Variants in HSD17B3 observed in about 807,000 individuals in gnomAD.
HSD17B3 encodes 17-beta-hydroxysteroid dehydrogenase type 3.
Under a neutral mutation model 41.1 loss-of-function variants are expected in HSD17B3, and 29 were observed. The ratio of observed to expected loss-of-function variants is 0.71; its 90% CI spans 0.53 to 0.96. The LOEUF is 0.96. Among genes scored for constraint, HSD17B3 ranks in the 40% least tolerant of loss-of-function variants. The probability of loss-of-function intolerance (pLI) is 0.00; values close to 1 mark genes in which losing one functional copy is unlikely to be tolerated. For missense variants in HSD17B3, 323 were observed against 374.6 expected (o/e 0.86, Z 1.14); for synonymous variants, 126 against 145.6 (o/e 0.87, Z 0.97).
chr9:96,272,884 GA>G (rs1826319176), intron 2 of HSD17B3, among the ~76,000 whole-genome samples: 1 of 152,090 alleles, frequency 6.6e-6, no homozygotes, highest in Non-Finnish European at 1.5e-5. Context: ...TCGGCACTAA[GA>G]AGGAAAAAAC....
chr9:96,278,849 A>G (rs1317218136), intron 2 of HSD17B3, among the ~76,000 whole-genome samples: 1 of 152,200 alleles, frequency 6.6e-6, no homozygotes, highest in Non-Finnish European at 1.5e-5. Flanking sequence ...CAAGCTTCAG[A>G]CTGAACTCTA....
chr9:96,272,448 A>ATAT (rs1826302503), intron 2 of HSD17B3, among the ~76,000 whole-genome samples: 2 of 84,852 alleles, frequency 2.4e-5, no homozygotes, highest in African/African-American at 8.6e-5. Context: ...TATATATATA[A>ATAT]AATATATATG....
At chr9:96,294,742 C>T (rs114636743) in intron 2 of HSD17B3, among the ~76,000 whole-genome samples, 2,691 of 152,216 alleles carry the variant, frequency 0.018, 86 homozygotes, top group African/African-American at 0.059. Context: ...TAGCTAGAAA[C>T]ATTTTCCTTC....
intron 2 of HSD17B3, 83 bp from the exon 3 acceptor site, chr9:96,255,026 CTG>C (rs1042892444): frequency 1.2e-5 from 14 of 1,129,840 alleles, no homozygotes; most frequent in African/African-American, 1.1e-4. Context: ...GGTCCTGAGA[CTG>C]TGCACATACT....
chr9:96,269,148 T>C (rs1165418370), intron 2 of HSD17B3, among the ~76,000 whole-genome samples: 1 of 152,182 alleles, frequency 6.6e-6, no homozygotes, highest in Non-Finnish European at 1.5e-5. Context: ...GCTATAAACC[T>C]GTATGACATG....
intron 2 of HSD17B3, among the ~76,000 whole-genome samples, chr9:96,267,571 A>G (rs1328954070): frequency 1.3e-5 from 2 of 152,186 alleles, no homozygotes; most frequent in African/African-American, 4.8e-5. Context: ...AAACATTTTT[A>G]ATTTCTTTAA....
At chr9:96,254,731 A>C in intron 3 of HSD17B3, 137 bp downstream of exon 3, 1 of 750,710 alleles carries the variant, frequency 1.3e-6, no homozygotes, top group Admixed American at 2.0e-5. Context: ...CTGCTTTGTA[A>C]CCGGGCTCCC....
At chr9:96,291,560 C>T (rs1336045058) in intron 2 of HSD17B3, among the ~76,000 whole-genome samples, 2 of 152,162 alleles carry the variant, frequency 1.3e-5, no homozygotes, top group Non-Finnish European at 2.9e-5. Context: ...ACCCATCATT[C>T]AAAGAACCAA....
At chr9:96,295,279 A>G (rs12683472) in intron 2 of HSD17B3, among the ~76,000 whole-genome samples, 43,770 of 151,536 alleles carry the variant, frequency 0.29, 7,118 homozygotes, top group Non-Finnish European at 0.38. Context: ...TGTTGGGATT[A>G]CAGGCGTGAG....
chr9:96,266,500 C>T (rs2130753125), intron 2 of HSD17B3, among the ~76,000 whole-genome samples: 1 of 152,102 alleles, frequency 6.6e-6, no homozygotes. Flanking sequence ...AAACTCCTGG[C>T]CTCAAGCTAT....
chr9:96,249,769 G>A lies in HSD17B3; in HGVS notation c.471C>T (p.Asn157=). 1 of 1,614,084 alleles carries A rather than the reference G, an allele frequency of 6.2e-7. No homozygotes were observed. Among genetic ancestry groups the A allele is most frequent in the Non-Finnish European group, 8.5e-7 (1 of 1,179,960 alleles). Residue 157 remains asparagine (N), a synonymous_variant, in exon 6 of 11, where the codon AAC becomes AAT. Transcript: ENST00000375263. The part of the protein sequence containing the change: ...PDEIQSLIHC[N]ITSVVKMTQL... ...CACATACCTTGACTACGGAGGTGAT[G>A]TTACAATGGATGAGGCTCTGTAATA...
chr9:96,300,209 GACACACACACACACACACACACACAC>G (rs55707445), intron 1 of HSD17B3, among the ~76,000 whole-genome samples: 1 of 116,310 alleles, frequency 8.6e-6, no homozygotes, highest in Non-Finnish European at 1.8e-5. Context: ...ACCCCAAGAG[GACACACACACACACACACACACACAC>G]ACACACACAC....
At position 96,255,367 on chromosome 9, in the gene HSD17B3, CTTTTTTTTTTTTTTTTTTTTTTTT is replaced by C. The variant is rs869145717; in HGVS notation, c.202-448_202-425del. On this transcript the variant is annotated intron_variant, in intron 2 of 10. Transcript: ENST00000375263. ...AAGCAGTGTTTCTGCCCCAACATTTCTTTTTTTTTTTTTTTTTTTTTTTTTTTTTTTTTTTTTTTTGCAATAGAG... is the reference window on the plus strand; with the variant it reads ...AAGCAGTGTTTCTGCCCCAACATTTCTTTTTTTTTTTTTTTTGCAATAGAG... Among the ~76,000 whole-genome samples the C allele has an allele frequency of 2.9e-4, 16 of 54,568 alleles. 1 individual carries two copies. Among genetic ancestry groups the C allele is most frequent in the South Asian group, 9.3e-4 (1 of 1,070 alleles). 35.8% of individuals were successfully genotyped at this position (54,568 alleles called of 152,430 possible).
rs1018512457 is a variant in HSD17B3, at chr9:96,254,954, G to A, written c.202-11C>T. 1.9e-6 allele frequency: 3 copies of A among 1,612,324 alleles called. No individual in the cohort carries two copies. Among genetic ancestry groups the A allele is most frequent in the South Asian group, 1.1e-5 (1 of 90,772 alleles). On this transcript the variant is annotated splice_polypyrimidine_tract_variant and intron_variant, in intron 2 of 10. Transcript: ENST00000375263. The stretch of plus-strand genomic sequence containing the variant: ...TCCACGTTTTGCTAGCTGAGAGTGG[G>A]AGTGAAAAACCAAGAGACAAGGATG...
chr9:96,287,051 T>C (rs1431897856), intron 2 of HSD17B3, among the ~76,000 whole-genome samples: 1 of 152,212 alleles, frequency 6.6e-6, no homozygotes, highest in Non-Finnish European at 1.5e-5. Flanking sequence ...AGGACCCCTT[T>C]CCTGTAACAA....
intron 2 of HSD17B3, 65 bp from the exon 3 acceptor site, chr9:96,255,008 G>C: frequency 1.5e-6 from 2 of 1,378,688 alleles, no homozygotes; most frequent in African/African-American, 2.8e-5. Flanking sequence ...CTTGTGTTAA[G>C]GTGACTTGGT....
intron 2 of HSD17B3, among the ~76,000 whole-genome samples, chr9:96,279,839 G>A (rs953502430): frequency 6.6e-6 from 1 of 151,558 alleles, no homozygotes; most frequent in Admixed American, 6.6e-5. Flanking sequence ...GCGCGATCTC[G>A]GCTCACGGCA....
intron 2 of HSD17B3, among the ~76,000 whole-genome samples, chr9:96,259,037 A>G (rs1420975218): frequency 6.6e-6 from 1 of 152,172 alleles, no homozygotes; most frequent in Admixed American, 6.5e-5. Flanking sequence ...TTTGCCATCC[A>G]GCTAGTGCCA....
At position 96,302,152 on chromosome 9, in the gene HSD17B3, A is replaced by G. The variant is rs907829272; in HGVS notation, c.-48T>C. The G allele has an allele frequency of 3.1e-6, 5 of 1,600,740 alleles. No homozygotes were observed. The African/African-American group carries it at 5.4e-5, about 17-fold the overall frequency. ...CAGCCCTGGCCGTGGCTCTCTGTGT[A>G]TGCCTCCTGGGACCACGCTGCTCTG... On this transcript the variant is annotated 5_prime_UTR_variant, in exon 1 of 11. Coordinates refer to ENST00000375263, the MANE Select transcript of HSD17B3 (RefSeq NM_000197.2).
Sources: allele counts gnomAD v4.1 joint callset (sites outside exome capture counted in the v4.1 genomes callset), GRCh38; gene constraint gnomAD v4.1.1; transcripts MANE v1.5; gene names NCBI Gene and HGNC (gene_info 2026-07-23, HGNC 2026-07-21).